Variants in PRDM16 observed in about 807,000 individuals in gnomAD.
PRDM16 encodes the protein PR/SET domain 16.
In PRDM16, 23 loss-of-function variants were observed where a neutral mutation model predicts 110.6. The ratio of observed to expected loss-of-function variants is 0.21; its 90% CI spans 0.15 to 0.29. The LOEUF is 0.29. Among genes scored for constraint, PRDM16 ranks in the 10% least tolerant of loss-of-function variants. The probability of loss-of-function intolerance (pLI) is 1.00; values close to 1 mark genes in which losing one functional copy is unlikely to be tolerated. For missense variants in PRDM16, 1,615 were observed against 1,794.3 expected, an observed-to-expected ratio of 0.90 and a Z score of 1.81; for synonymous variants, 799 against 781.8, an observed-to-expected ratio of 1.02 and a Z score of -0.37.
chr1:3,255,890 G>A lies in PRDM16; in HGVS notation c.438+11753G>A, dbSNP rs1474350002. Among the ~76,000 whole-genome samples, 2 of 151,304 alleles carry A rather than the reference G, an allele frequency of 1.3e-5. No homozygotes were observed. The highest frequency in any genetic ancestry group is 4.9e-5 in the African/African-American group (2 of 41,052). The stretch of plus-strand genomic sequence containing the variant: ...CAACCCCGTGGCCGCACTGACACCC[G>A]AAGCCAACCCCGTGGCCGCACCGAC... On this transcript the variant is annotated intron_variant, in intron 3 of 16. Transcript: ENST00000270722. The surrounding 1 kb of genome is among the most constrained non-coding windows in gnomAD (Gnocchi z 4.7).
At chr1:3,225,573 T>TGTGTGTGCGCGC (rs1336272072) in intron 2 of PRDM16, among the ~76,000 whole-genome samples, 11 of 129,802 alleles carry the variant, frequency 8.5e-5, no homozygotes, top group Admixed American at 2.3e-4. Context: ...TGTGTGTGTG[T>TGTGTGTGCGCGC]GCGCGCGCGC....
rs112530628 is a variant in PRDM16, at chr1:3,165,204, G to A, written c.38-20921G>A. 8.2e-3 allele frequency among the ~76,000 whole-genome samples: 1,154 copies of A among 140,140 alleles called. 17 individuals carry two copies. The highest frequency in any genetic ancestry group is 0.028 in the African/African-American group (1,098 of 38,654). The allele number at this position is 140,140 out of a possible 152,430, so 91.9% of individuals were successfully genotyped here. ...AGGCCCAGGGACAGGGACTTACCTG[G>A]CCTCAGGGGCATGGACTCACCTGGG... On this transcript the variant is annotated intron_variant, in intron 1 of 16. Coordinates refer to ENST00000270722, the MANE Select transcript of PRDM16 (RefSeq NM_022114.4).
At chr1:3,182,916 C>A (rs1557511740) in intron 1 of PRDM16, among the ~76,000 whole-genome samples, 1 of 152,196 alleles carries the variant, frequency 6.6e-6, no homozygotes, top group Non-Finnish European at 1.5e-5. Flanking sequence ...CACCTCTTCC[C>A]TCCCGAGCTC....
chr1:3,393,303 C>CGGCCA (rs1643327142), intron 4 of PRDM16, among the ~76,000 whole-genome samples: 1 of 152,224 alleles, frequency 6.6e-6, no homozygotes, highest in African/African-American at 2.4e-5. Flanking sequence ...TCCTTTCCGG[C>CGGCCA]GGCCAGTCGT....
intron 1 of PRDM16, among the ~76,000 whole-genome samples, chr1:3,116,947 C>T (rs1569597215): frequency 6.6e-6 from 1 of 152,232 alleles, no homozygotes; most frequent in East Asian, 1.9e-4. Flanking sequence ...GCACTCACAC[C>T]TGGGGTGGAT....
At chr1:3,155,832 A>T (rs924984899) in intron 1 of PRDM16, among the ~76,000 whole-genome samples, 5 of 151,910 alleles carry the variant, frequency 3.3e-5, no homozygotes, top group African/African-American at 1.2e-4. Flanking sequence ...CCTTTCCCTG[A>T]CCCTCCAGAG....
At chr1:3,284,917 C>T (rs1401702871) in intron 3 of PRDM16, among the ~76,000 whole-genome samples, 5 of 152,222 alleles carry the variant, frequency 3.3e-5, no homozygotes, top group African/African-American at 1.2e-4. Flanking sequence ...ACCTACTCAC[C>T]ACGCTGGCCC....
chr1:3,173,469 C>T (rs1048577251), intron 1 of PRDM16, among the ~76,000 whole-genome samples: 2 of 152,244 alleles, frequency 1.3e-5, no homozygotes, highest in African/African-American at 4.8e-5. Flanking sequence ...TAGGTAGGGC[C>T]AGGTGGCCTG....
chr1:3,336,045 G>A (rs1046818588), intron 3 of PRDM16, among the ~76,000 whole-genome samples: 3 of 152,202 alleles, frequency 2.0e-5, no homozygotes, highest in Non-Finnish European at 2.9e-5. Flanking sequence ...CCAGAGTATC[G>A]CTGACGCTGA....
intron 12 of PRDM16, among the ~76,000 whole-genome samples, chr1:3,420,545 T>C (rs745833785): frequency 2.0e-5 from 3 of 152,136 alleles, no homozygotes; most frequent in Non-Finnish European, 4.4e-5. Flanking sequence ...CCAGATGACA[T>C]TGGAAGCCTC....
At chr1:3,432,599 C>T (rs932933481) in intron 16 of PRDM16, among the ~76,000 whole-genome samples, 8 of 152,190 alleles carry the variant, frequency 5.3e-5, no homozygotes, top group South Asian at 2.1e-4. Context: ...TGGCCCCAGG[C>T]GCTTCTCGGC....
chr1:3,191,115 G>A (rs1052436913), intron 2 of PRDM16, among the ~76,000 whole-genome samples: 9 of 152,192 alleles, frequency 5.9e-5, no homozygotes, highest in African/African-American at 7.2e-5. Flanking sequence ...AGGCATCAGC[G>A]GCCCTGCCTG....
Position 3,201,807 on chromosome 1 carries a change from G to A in PRDM16, c.387+15333G>A, listed in dbSNP as rs116530693. Among the ~76,000 whole-genome samples, 439 of 152,298 alleles carry A rather than the reference G, an allele frequency of 2.9e-3. 3 individuals are homozygous for A. Among genetic ancestry groups the A allele is most frequent in the African/African-American group, 0.01 (417 of 41,570 alleles). Reference sequence around the variant, plus strand: ...CCCACCTGGCCTCTGTTTCTACCTCGGGTTGGTGTCTCCCGCCCACTTCTG... The same window carrying A: ...CCCACCTGGCCTCTGTTTCTACCTCAGGTTGGTGTCTCCCGCCCACTTCTG... On this transcript the variant is annotated intron_variant, in intron 2 of 16. Transcript: ENST00000270722. The surrounding 1 kb of genome is among the most constrained non-coding windows in gnomAD (Gnocchi z 4.1).
intron 3 of PRDM16, among the ~76,000 whole-genome samples, chr1:3,253,021 G>A (rs926218844): frequency 2.0e-5 from 3 of 151,958 alleles, no homozygotes; most frequent in Non-Finnish European, 4.4e-5. Flanking sequence ...GGAACCCCTC[G>A]AGCCTGCGCG....
In PRDM16 at chr1:3,432,211, T is replaced by C; in HGVS notation, c.3696+71T>C. 2.8e-6 allele frequency: 4 copies of C among 1,426,398 alleles called. No homozygotes were observed. The South Asian group carries it at 5.0e-5, about 18-fold the overall frequency. 88.4% of individuals were successfully genotyped at this position (1,426,398 alleles called of 1,614,324 possible). A position where few individuals can be genotyped will look rare whatever the true frequency, so the allele number is the denominator to read the frequency against. Reference sequence around the variant, plus strand: ...AGCCAGAGGACAGCCAGCACTCCTCTCCCGCCGTGGCCCTCCTAGGCCTGA... The same window carrying C: ...AGCCAGAGGACAGCCAGCACTCCTCCCCCGCCGTGGCCCTCCTAGGCCTGA... On this transcript the variant is annotated intron_variant, in intron 16 of 16. Coordinates refer to ENST00000270722, the MANE Select transcript of PRDM16 (RefSeq NM_022114.4).
intron 1 of PRDM16, among the ~76,000 whole-genome samples, chr1:3,156,678 G>T (rs1000223848): frequency 1.3e-5 from 2 of 152,202 alleles, no homozygotes; most frequent in Admixed American, 1.3e-4. Context: ...ACCAGAGAAG[G>T]TTGGACCCGT....
intron 3 of PRDM16, among the ~76,000 whole-genome samples, chr1:3,285,438 G>A (rs758535329): frequency 6.6e-6 from 1 of 152,152 alleles, no homozygotes; most frequent in Non-Finnish European, 1.5e-5. Flanking sequence ...AGGCCACTGA[G>A]CAGCCCTGCC....
chr1:3,315,168 C>G (rs930786082), intron 3 of PRDM16, among the ~76,000 whole-genome samples: 1 of 150,646 alleles, frequency 6.6e-6, no homozygotes, highest in African/African-American at 2.5e-5. Context: ...CGTGTCTCCC[C>G]CTGCTTCCCT....
intron 5 of PRDM16, among the ~76,000 whole-genome samples, chr1:3,396,986 G>T (rs961398487): frequency 6.6e-6 from 1 of 152,166 alleles, no homozygotes; most frequent in Non-Finnish European, 1.5e-5. Context: ...AGCAGCCTTT[G>T]CTTTCCCTGG....
Sources: allele counts gnomAD v4.1 joint callset (sites outside exome capture counted in the v4.1 genomes callset), GRCh38; gene constraint gnomAD v4.1.1; non-coding constraint Gnocchi (gnomAD v3.1); transcripts MANE v1.5; gene names NCBI Gene and HGNC (gene_info 2026-07-23, HGNC 2026-07-21).